The following SINHCAF variants were observed in gnomAD, a reference collection of about 807,000 sequenced individuals.
The protein encoded by SINHCAF is SIN3-HDAC complex-associated factor.
Under a neutral mutation model 25.8 loss-of-function variants are expected in SINHCAF, and 3 were observed. That is an observed-to-expected ratio of 0.12 (90% CI 0.05 to 0.30). The LOEUF (loss-of-function observed/expected upper bound fraction) is 0.30, where lower values mean the gene tolerates loss of function less well. Among genes scored for constraint, SINHCAF ranks in the 10% least tolerant of loss-of-function variants. SINHCAF has a pLI of 1.00. For missense variants in SINHCAF, 121 were observed against 262.3 expected (o/e 0.46, Z 3.72); for synonymous variants, 70 against 85.5 (o/e 0.82, Z 1.00).
chr12:31,314,838 T>C (rs1939436029), intron 1 of SINHCAF, among the ~76,000 whole-genome samples: 1 of 152,238 alleles, frequency 6.6e-6, no homozygotes, highest in African/African-American at 2.4e-5. Flanking sequence ...CATTCTTCAG[T>C]CATCCTGGTC....
chr12:31,291,878 T>C (rs1369860204), intron 4 of SINHCAF, among the ~76,000 whole-genome samples: 1 of 152,156 alleles, frequency 6.6e-6, no homozygotes. Context: ...GTGGGTGATA[T>C]ATAAAAATTC....
At chr12:31,308,066 T>C (rs1592979558) in intron 1 of SINHCAF, among the ~76,000 whole-genome samples, 1 of 152,176 alleles carries the variant, frequency 6.6e-6, no homozygotes, top group African/African-American at 2.4e-5. Context: ...CAGCCTCCCA[T>C]GTAACTGGGA....
At chr12:31,303,239 C>T in intron 1 of SINHCAF, 3 of 985,030 alleles carry the variant, frequency 3.0e-6, no homozygotes, top group Non-Finnish European at 3.6e-6. Flanking sequence ...TCCACATTTT[C>T]CCCCTTTTGA....
At chr12:31,302,272 T>C (rs1474894607) in intron 1 of SINHCAF, among the ~76,000 whole-genome samples, 1 of 152,042 alleles carries the variant, frequency 6.6e-6, no homozygotes, top group African/African-American at 2.4e-5. Context: ...AGTGGTATGG[T>C]TGCAAAATTC....
intron 1 of SINHCAF, among the ~76,000 whole-genome samples, chr12:31,321,759 G>A (rs542236960): frequency 1.8e-4 from 28 of 152,158 alleles, no homozygotes; most frequent in African/African-American, 6.7e-4. Flanking sequence ...AAGAAAAAAC[G>A]AAAATGACAT....
At chr12:31,309,683 T>TTTTTTTTTTTTA (rs1939184427) in intron 1 of SINHCAF, among the ~76,000 whole-genome samples, 2 of 150,410 alleles carry the variant, frequency 1.3e-5, no homozygotes, top group African/African-American at 2.5e-5. Flanking sequence ...TTTTTTTTTT[T>TTTTTTTTTTTTA]GAGACGGAGT....
chr12:31,294,802 T>C (rs1224108638), intron 3 of SINHCAF, among the ~76,000 whole-genome samples: 2 of 152,190 alleles, frequency 1.3e-5, no homozygotes, highest in Non-Finnish European at 2.9e-5. Context: ...ACTTCATGAA[T>C]AAATATAACC....
In SINHCAF at chr12:31,282,637, G is replaced by A. The variant is rs1430236815; in HGVS notation, c.*75C>T. ...AACTCCGTCTCAAAAAAAAAAGAGG[G>A]TCAGTTTGTAGCTTTGTGGTTTTTC... On this transcript the variant is annotated 3_prime_UTR_variant, in exon 6 of 6. Transcript: ENST00000337682. The A allele has an allele frequency of 3.1e-6, 4 of 1,302,988 alleles. No individual in the cohort carries two copies. The highest frequency in any genetic ancestry group is 4.2e-6 in the Non-Finnish European group (4 of 961,660). The allele number at this position is 1,302,988 out of a possible 1,614,324, so 80.7% of individuals were successfully genotyped here.
chr12:31,323,283 T>C lies in SINHCAF; in HGVS notation c.-21+2741A>G, dbSNP rs544200448. On this transcript the variant is annotated intron_variant, in intron 1 of 5. Coordinates refer to ENST00000337682, the MANE Select transcript of SINHCAF (RefSeq NM_001135812.2). ...CACCAGAAACAAACTCCCAGACTTT[T>C]AGATTGGGCAACTAAATGTGTTCAA... Among the ~76,000 whole-genome samples the C allele has an allele frequency of 3.3e-5, 5 of 152,326 alleles. No individual in the cohort carries two copies. The South Asian group carries it at 8.3e-4, about 25-fold the overall frequency.
intron 2 of SINHCAF, 36 bp from the exon 3 acceptor site, chr12:31,295,369 C>T (rs1206939479): frequency 7.2e-7 from 1 of 1,382,626 alleles, no homozygotes. Flanking sequence ...ATCAGTCTCC[C>T]TTACCTTAAA....
intron 2 of SINHCAF, 110 bp from the exon 3 acceptor site, chr12:31,295,443 A>G: frequency 1.4e-6 from 1 of 699,028 alleles, no homozygotes; most frequent in Non-Finnish European, 2.5e-6. Flanking sequence ...TATAGATACA[A>G]TTTAATCATC....
chr12:31,322,089 C>T (rs1278242308), intron 1 of SINHCAF, among the ~76,000 whole-genome samples: 1 of 152,112 alleles, frequency 6.6e-6, no homozygotes, highest in African/African-American at 2.4e-5. Context: ...CACCAGTGAT[C>T]TAGAATATTC....
intron 5 of SINHCAF, among the ~76,000 whole-genome samples, chr12:31,287,123 T>C (rs1398736481): frequency 6.6e-6 from 1 of 152,224 alleles, no homozygotes; most frequent in African/African-American, 2.4e-5. Context: ...TTTCACTTTT[T>C]CTTGAGACAG....
intron 2 of SINHCAF, 131 bp from the exon 3 acceptor site, chr12:31,295,464 C>A: frequency 1.6e-6 from 1 of 631,436 alleles, no homozygotes; most frequent in Non-Finnish European, 2.8e-6. Context: ...CTGGATGATC[C>A]CATTCCATTG....
chr12:31,282,574 A>T lies in SINHCAF; in HGVS notation c.*138T>A. 1 of 647,332 alleles carries T rather than the reference A, an allele frequency of 1.5e-6. No homozygotes were observed. Among genetic ancestry groups the T allele is most frequent in the Non-Finnish European group, 2.5e-6 (1 of 397,196 alleles). 40.1% of individuals were successfully genotyped at this position (647,332 alleles called of 1,614,324 possible). On this transcript the variant is annotated 3_prime_UTR_variant, in exon 6 of 6. Coordinates refer to ENST00000337682, the MANE Select transcript of SINHCAF (RefSeq NM_001135812.2). Reference sequence around the variant, plus strand: ...GAGACGGAAGTTGCAGTGAGCCAAGATCACGCCACTGCACTCCAGCCTGGG... The same window carrying T: ...GAGACGGAAGTTGCAGTGAGCCAAGTTCACGCCACTGCACTCCAGCCTGGG...
chr12:31,311,128 A>C (rs1434091638), intron 1 of SINHCAF, among the ~76,000 whole-genome samples: 2 of 152,074 alleles, frequency 1.3e-5, no homozygotes, highest in Non-Finnish European at 2.9e-5. Flanking sequence ...TGGCCTCCCA[A>C]AGTGTCCGGC....
chr12:31,316,787 G>A (rs1424717837), intron 1 of SINHCAF, among the ~76,000 whole-genome samples: 1 of 152,150 alleles, frequency 6.6e-6, no homozygotes, highest in Non-Finnish European at 1.5e-5. Context: ...GAAAAATACT[G>A]AAATGCAAAT....
chr12:31,282,563 A>C lies in SINHCAF; in HGVS notation c.*149T>G, dbSNP rs557441568. Reference sequence around the variant, plus strand: ...CTTGAACCCGGGAGACGGAAGTTGCAGTGAGCCAAGATCACGCCACTGCAC... The same window carrying C: ...CTTGAACCCGGGAGACGGAAGTTGCCGTGAGCCAAGATCACGCCACTGCAC... On this transcript the variant is annotated 3_prime_UTR_variant, in exon 6 of 6. Transcript: ENST00000337682. 5 of 560,394 alleles carry C rather than the reference A, an allele frequency of 8.9e-6. No individual in the cohort carries two copies. In the African/African-American group the frequency reaches 9.7e-5, roughly 11 times the overall value. The allele number at this position is 560,394 out of a possible 1,614,324, so 34.7% of individuals were successfully genotyped here.
intron 4 of SINHCAF, among the ~76,000 whole-genome samples, chr12:31,290,125 A>G (rs1046113323): frequency 3.3e-5 from 5 of 151,254 alleles, no homozygotes; most frequent in Non-Finnish European, 7.4e-5. Context: ...CACCTAGCCA[A>G]GAAAATGTTT....
Sources: allele counts gnomAD v4.1 joint callset (sites outside exome capture counted in the v4.1 genomes callset), GRCh38; gene constraint gnomAD v4.1.1; transcripts MANE v1.5; gene names NCBI Gene and HGNC (gene_info 2026-07-23, HGNC 2026-07-21).